Variants in ZBTB20 observed in about 807,000 individuals in gnomAD.
ZBTB20 encodes the protein zinc finger and BTB domain-containing protein 20.
Under a neutral mutation model 56.9 loss-of-function variants are expected in ZBTB20, and 9 were observed. That is an observed-to-expected ratio of 0.16 (90% CI 0.10 to 0.28). ZBTB20 has a LOEUF of 0.28. Among genes scored for constraint, ZBTB20 ranks in the 10% least tolerant of loss-of-function variants. ZBTB20 has a pLI of 1.00. For synonymous variants in ZBTB20, 417 were observed against 420.7 expected (o/e 0.99, Z 0.11); for missense variants, 655 against 1,003.0 (o/e 0.65, Z 4.69).
chr3:115,080,070 C>A (rs2082742837), intron 1 of ZBTB20, among the ~76,000 whole-genome samples: 2 of 152,254 alleles, frequency 1.3e-5, no homozygotes, highest in South Asian at 4.1e-4. Context: ...AATGTAATGC[C>A]ACTAGCAGAT....
chr3:115,103,974 C>T (rs1229118740), intron 1 of ZBTB20, among the ~76,000 whole-genome samples: 1 of 152,068 alleles, frequency 6.6e-6, no homozygotes, highest in Non-Finnish European at 1.5e-5. Flanking sequence ...TTATCTAAAA[C>T]ATGCAAAGAA....
At chr3:114,732,400 A>G (rs1356042311) in intron 5 of ZBTB20, among the ~76,000 whole-genome samples, 2 of 152,078 alleles carry the variant, frequency 1.3e-5, no homozygotes, top group African/African-American at 4.8e-5. Context: ...TTGGTCAGAG[A>G]TAGACCTGCA....
At chr3:115,051,404 G>C (rs941955407) in intron 2 of ZBTB20, among the ~76,000 whole-genome samples, 1 of 152,092 alleles carries the variant, frequency 6.6e-6, no homozygotes, top group African/African-American at 2.4e-5. Flanking sequence ...CACTGAGAAA[G>C]TGATGTTTAA....
chr3:115,126,078 A>G (rs1486425644), intron 1 of ZBTB20, among the ~76,000 whole-genome samples: 1 of 152,206 alleles, frequency 6.6e-6, no homozygotes, highest in Non-Finnish European at 1.5e-5. Context: ...GAAAAGACAC[A>G]TGTAGGAAAA....
chr3:114,719,616 T>C (rs1203435231), intron 5 of ZBTB20, among the ~76,000 whole-genome samples: 1 of 152,142 alleles, frequency 6.6e-6, no homozygotes, highest in Non-Finnish European at 1.5e-5. Context: ...CTCTCCCTGA[T>C]TAACAGAACC....
At chr3:115,096,666 G>C (rs1263646552) in intron 1 of ZBTB20, among the ~76,000 whole-genome samples, 1 of 152,194 alleles carries the variant, frequency 6.6e-6, no homozygotes, top group Non-Finnish European at 1.5e-5. Context: ...AGATGTTGGG[G>C]TAACACGTTT....
At chr3:114,797,185 G>A (rs945369453) in intron 5 of ZBTB20, among the ~76,000 whole-genome samples, 2 of 151,054 alleles carry the variant, frequency 1.3e-5, no homozygotes, top group African/African-American at 4.9e-5. Flanking sequence ...CACTTATTTT[G>A]CCATCTAGTA....
intron 6 of ZBTB20, among the ~76,000 whole-genome samples, chr3:114,609,032 A>G (rs6797595): frequency 0.36 from 54,110 of 152,006 alleles, 9,983 homozygotes; most frequent in Middle Eastern, 0.49. Context: ...CAGAAATAAG[A>G]CCTTTCACAT....
At chr3:115,043,480 A>G (rs1290860651) in intron 2 of ZBTB20, among the ~76,000 whole-genome samples, 1 of 151,286 alleles carries the variant, frequency 6.6e-6, no homozygotes, top group African/African-American at 2.4e-5. Context: ...GAGGCAAGAG[A>G]CTCGCTTGAA....
intron 4 of ZBTB20, among the ~76,000 whole-genome samples, chr3:114,844,779 G>T (rs2074603364): frequency 1.3e-5 from 2 of 149,704 alleles, no homozygotes; most frequent in Admixed American, 6.6e-5. Context: ...AGTGTCTCAT[G>T]ATTTTAATTT....
intron 5 of ZBTB20, among the ~76,000 whole-genome samples, chr3:114,778,904 T>G (rs1682116946): frequency 1.3e-5 from 2 of 152,222 alleles, no homozygotes; most frequent in African/African-American, 4.8e-5. Flanking sequence ...AACTGATGAT[T>G]AACATAACTA....
intron 5 of ZBTB20, among the ~76,000 whole-genome samples, chr3:114,725,841 A>C (rs1050479631): frequency 2.0e-5 from 3 of 152,206 alleles, no homozygotes; most frequent in African/African-American, 4.8e-5. Flanking sequence ...AGCATTATAC[A>C]ACAATATAGG....
intron 3 of ZBTB20, among the ~76,000 whole-genome samples, chr3:114,907,049 T>G (rs1176677391): frequency 6.6e-6 from 1 of 151,864 alleles, no homozygotes; most frequent in Non-Finnish European, 1.5e-5. Flanking sequence ...TTTAACATTC[T>G]TCACATCATT....
At chr3:114,372,386 G>A (rs907044058) in intron 10 of ZBTB20, among the ~76,000 whole-genome samples, 1 of 152,162 alleles carries the variant, frequency 6.6e-6, no homozygotes, top group Non-Finnish European at 1.5e-5. Flanking sequence ...TTGAGCCAAT[G>A]GGCATTGAGA....
chr3:114,672,290 C>G (rs944809352), intron 6 of ZBTB20, among the ~76,000 whole-genome samples: 1 of 152,096 alleles, frequency 6.6e-6, no homozygotes, highest in Non-Finnish European at 1.5e-5. Context: ...CTCACGTAAA[C>G]AGGAAGCTTA....
intron 5 of ZBTB20, among the ~76,000 whole-genome samples, chr3:114,708,906 T>C (rs886759502): frequency 1.3e-5 from 2 of 152,130 alleles, no homozygotes; most frequent in African/African-American, 4.8e-5. Context: ...ATTTATTTCA[T>C]AGTAAAATAT....
At chr3:114,801,899 T>C (rs1264769550) in intron 4 of ZBTB20, among the ~76,000 whole-genome samples, 2 of 151,952 alleles carry the variant, frequency 1.3e-5, no homozygotes, top group African/African-American at 2.4e-5. Flanking sequence ...TTTTTAAATA[T>C]GTACTTATAA....
chr3:114,344,849 C>T (rs186620018), intron 11 of ZBTB20, among the ~76,000 whole-genome samples: 15 of 152,290 alleles, frequency 9.8e-5, no homozygotes, highest in Admixed American at 2.6e-4. Flanking sequence ...GCTGAAATAG[C>T]TGAACTTCTC....
At chr3:114,958,126 G>A (rs1020449904) in intron 3 of ZBTB20, among the ~76,000 whole-genome samples, 4 of 152,190 alleles carry the variant, frequency 2.6e-5, no homozygotes, top group Admixed American at 2.6e-4. Flanking sequence ...CCTTAAAGCT[G>A]TAAAGCCATT....
Sources: gnomAD v4.1 joint callset for allele counts (sites outside exome capture counted in the v4.1 genomes callset) on GRCh38, gnomAD v4.1.1 for gene constraint, MANE v1.5 for transcripts, NCBI Gene and HGNC (gene_info 2026-07-23, HGNC 2026-07-21) for gene names.